NELL1: variants seen among roughly 807,000 people sequenced by gnomAD.
The protein encoded by NELL1 is neural EGFL like 1, also known as protein kinase C-binding protein NELL1.
A neutral mutation model predicts 107.4 loss-of-function variants in NELL1; 76 were observed. The ratio of observed to expected loss-of-function variants is 0.71; its 90% CI spans 0.59 to 0.86. The LOEUF (loss-of-function observed/expected upper bound fraction) is 0.86. NELL1 is among the 40% of genes least tolerant of loss of function. The pLI is 0.00. For synonymous variants in NELL1, 353 were observed against 341.2 expected, an observed-to-expected ratio of 1.03 and a Z score of -0.38; for missense variants, 1,024 against 1,005.5, an observed-to-expected ratio of 1.02 and a Z score of -0.25.
intron 13 of NELL1, among the ~76,000 whole-genome samples, chr11:21,164,633 A>C (rs1323350463): frequency 6.6e-6 from 1 of 152,170 alleles, no homozygotes; most frequent in Non-Finnish European, 1.5e-5. Context: ...TAGTGTTATA[A>C]AATGCATTAG....
At position 21,079,425 on chromosome 11, in the gene NELL1, TAGAGAATATTCCTA is replaced by T. The variant is rs1854213746; in HGVS notation, c.1301-34163_1301-34150del. On this transcript the variant is annotated intron_variant, in intron 12 of 19. Coordinates refer to ENST00000357134, the MANE Select transcript of NELL1 (RefSeq NM_006157.5). ...CATATATCTCAAAATTTGTACCCTATAGAGAATATTCCTATTTTTCAAGTGTTCATGGAATATTA... is the reference window on the plus strand; with the variant it reads ...CATATATCTCAAAATTTGTACCCTATTTTTTCAAGTGTTCATGGAATATTA... Among the ~76,000 whole-genome samples, 3 of 152,122 alleles carry T rather than the reference TAGAGAATATTCCTA, an allele frequency of 2.0e-5. No homozygotes were observed. In the South Asian group the frequency reaches 6.2e-4, roughly 32 times the overall value.
intron 4 of NELL1, among the ~76,000 whole-genome samples, chr11:20,870,582 A>G (rs1367858754): frequency 6.6e-6 from 1 of 152,184 alleles, no homozygotes. Flanking sequence ...GGGCCATTAT[A>G]GTTTAAATGA....
chr11:20,823,435 C>T (rs1241298256), intron 3 of NELL1, among the ~76,000 whole-genome samples: 1 of 151,104 alleles, frequency 6.6e-6, no homozygotes, highest in Non-Finnish European at 1.5e-5. Context: ...GACACAGGGT[C>T]AAACCATATC....
At chr11:21,202,483 A>G (rs1297747393) in intron 13 of NELL1, among the ~76,000 whole-genome samples, 1 of 152,012 alleles carries the variant, frequency 6.6e-6, no homozygotes, top group Non-Finnish European at 1.5e-5. Context: ...CCCCTTTATC[A>G]TTTCTTATTG....
At chr11:21,370,203 T>C (rs1851325718) in intron 14 of NELL1, among the ~76,000 whole-genome samples, 1 of 151,984 alleles carries the variant, frequency 6.6e-6, no homozygotes, top group African/African-American at 2.4e-5. Context: ...GCAATGCTTA[T>C]CAAGAAAACC....
chr11:21,407,484 A>G (rs1214517903), intron 15 of NELL1, among the ~76,000 whole-genome samples: 2 of 151,974 alleles, frequency 1.3e-5, no homozygotes, highest in African/African-American at 4.8e-5. Context: ...CCCCTAGGTT[A>G]TAGTCATTTG....
At position 20,927,450 on chromosome 11, in the gene NELL1, T is replaced by C; in HGVS notation, c.894+8T>C. On this transcript the variant is annotated splice_region_variant and intron_variant, in intron 8 of 19. Transcript: ENST00000357134. ...AGGAACTGCACTTGCAAAGTAAGCC[T>C]CTTTGTAAATAAATACAGTAAAAAC... The C allele has an allele frequency of 6.2e-7, 1 of 1,605,304 alleles. No homozygotes were observed. The highest frequency in any genetic ancestry group is 8.5e-7 in the Non-Finnish European group (1 of 1,178,086).
chr11:20,704,287 T>C (rs1163897437), intron 2 of NELL1, among the ~76,000 whole-genome samples: 1 of 152,244 alleles, frequency 6.6e-6, no homozygotes, highest in Non-Finnish European at 1.5e-5. Flanking sequence ...TTGATCTTTG[T>C]TGGTTTAAAG....
chr11:20,739,413 T>A (rs200739694), intron 2 of NELL1, among the ~76,000 whole-genome samples: 1 of 5,572 alleles, frequency 1.8e-4, no homozygotes, highest in African/African-American at 4.2e-4. Context: ...ATGCTCAACA[T>A]TAAATGAATA....
intron 15 of NELL1, among the ~76,000 whole-genome samples, chr11:21,530,317 T>G (rs889583706): frequency 1.3e-5 from 2 of 152,136 alleles, no homozygotes; most frequent in Non-Finnish European, 2.9e-5. Flanking sequence ...TTTTATAAAT[T>G]GTCAAATTGC....
intron 15 of NELL1, among the ~76,000 whole-genome samples, chr11:21,531,964 T>C (rs1356677814): frequency 1.3e-5 from 2 of 152,180 alleles, no homozygotes; most frequent in Non-Finnish European, 1.5e-5. Context: ...AGAAAGCCAG[T>C]GTTAGGAACA....
intron 12 of NELL1, among the ~76,000 whole-genome samples, chr11:21,009,158 T>C (rs1516773): frequency 0.15 from 22,703 of 152,138 alleles, 1,873 homozygotes; most frequent in Middle Eastern, 0.27. Flanking sequence ...TCATCTCTGA[T>C]TCACGGCTGC....
Position 21,008,496 on chromosome 11 carries a change from G to A in NELL1, c.1300+47936G>A, listed in dbSNP as rs1326664971. 2.6e-5 allele frequency among the ~76,000 whole-genome samples: 4 copies of A among 152,188 alleles called. 1 individual carries two copies. The Middle Eastern group carries it at 0.014, about 518-fold the overall frequency. ...GGGATCTAGTCAGACTGGGACAGGC[G>A]CTGTATTATAGTAATTTTTAGAATC... is the stretch of plus-strand genomic sequence containing the variant. On this transcript the variant is annotated intron_variant, in intron 12 of 19. Coordinates refer to ENST00000357134, the MANE Select transcript of NELL1 (RefSeq NM_006157.5).
chr11:20,877,564 T>G (rs1849326734), intron 4 of NELL1, among the ~76,000 whole-genome samples: 3 of 152,228 alleles, frequency 2.0e-5, no homozygotes, highest in Admixed American at 6.5e-5. Context: ...TATAGACTAG[T>G]CTTTTAAGCA....
At chr11:20,679,052 T>C (rs983844580) in intron 2 of NELL1, among the ~76,000 whole-genome samples, 1 of 152,180 alleles carries the variant, frequency 6.6e-6, no homozygotes, top group Non-Finnish European at 1.5e-5. Flanking sequence ...GGGTGGTGAA[T>C]GTCTAGAGGG....
At chr11:20,908,258 T>A (rs1176586727) in intron 5 of NELL1, among the ~76,000 whole-genome samples, 1 of 152,114 alleles carries the variant, frequency 6.6e-6, no homozygotes, top group Non-Finnish European at 1.5e-5. Context: ...CACACGTATG[T>A]TTATTACAGC....
chr11:20,744,752 C>T (rs77989456), intron 2 of NELL1, among the ~76,000 whole-genome samples: 3,082 of 152,300 alleles, frequency 0.02, 41 homozygotes, highest in African/African-American at 0.039. Context: ...TAAATTCATA[C>T]GGTCAAACTC....
chr11:21,284,617 G>A (rs780471847), intron 14 of NELL1: 1 of 427,346 alleles, frequency 2.3e-6, no homozygotes, highest in East Asian at 7.1e-5. Context: ...AGTCTTTATG[G>A]CAATGTTATC....
intron 15 of NELL1, among the ~76,000 whole-genome samples, chr11:21,484,031 A>G (rs1363760088): frequency 1.6e-5 from 2 of 126,760 alleles, no homozygotes; most frequent in African/African-American, 2.9e-5. Context: ...ATATATATAT[A>G]TGTCAAATGT....
Sources: gnomAD v4.1 joint callset for allele counts (sites outside exome capture counted in the v4.1 genomes callset) on GRCh38, gnomAD v4.1.1 for gene constraint, MANE v1.5 for transcripts, NCBI Gene and HGNC (gene_info 2026-07-23, HGNC 2026-07-21) for gene names.